KIF1A: variants seen among roughly 807,000 people sequenced by gnomAD.
KIF1A encodes kinesin family member 1A.
In KIF1A, 46 loss-of-function variants were observed where a neutral mutation model predicts 227.3. That is an observed-to-expected ratio of 0.20 (90% CI 0.16 to 0.26). The LOEUF (loss-of-function observed/expected upper bound fraction) is 0.26, where lower values mean the gene tolerates loss of function less well. Among genes scored for constraint, KIF1A ranks in the 10% least tolerant of loss-of-function variants. The pLI, the probability that KIF1A is intolerant of heterozygous loss-of-function variation, is 1.00. For missense variants in KIF1A, 1,683 were observed against 2,485.9 expected, an observed-to-expected ratio of 0.68 and a Z score of 6.87; for synonymous variants, 1,022 against 1,012.8, an observed-to-expected ratio of 1.01 and a Z score of -0.17.
rs1001473013 is a variant in KIF1A at position 240,778,904 on chromosome 2, C to A, written c.883-2978G>T. ...CCCAATGCGGGTGCACACACACTTTCCACACACTTCCTCAGGCCATTCGCC... is the reference window on the plus strand; with the variant it reads ...CCCAATGCGGGTGCACACACACTTTACACACACTTCCTCAGGCCATTCGCC... On this transcript the variant is annotated intron_variant, in intron 10 of 48. Coordinates refer to ENST00000498729, the MANE Select transcript of KIF1A (RefSeq NM_001244008.2). The surrounding 1 kb of genome is among the most constrained non-coding windows in gnomAD (Gnocchi z 7.2). Among the ~76,000 whole-genome samples the A allele has an allele frequency of 4.6e-5, 7 of 152,142 alleles. No individual in the cohort carries two copies. The highest frequency in any genetic ancestry group is 1.7e-4 in the African/African-American group (7 of 41,406).
chr2:240,743,016 C>T (rs200297223), intron 33 of KIF1A, 32 bp from the exon 34 acceptor site: 46 of 1,568,666 alleles, frequency 2.9e-5, no homozygotes, highest in East Asian at 2.3e-4. Flanking sequence ...GAGGTGTTTG[C>T]GGGACCCTGG....
chr2:240,801,656 A>C (rs2056980173), intron 1 of KIF1A, among the ~76,000 whole-genome samples: 1 of 152,274 alleles, frequency 6.6e-6, no homozygotes, highest in East Asian at 1.9e-4. Flanking sequence ...GGGCCTTTAT[A>C]AGGTGATTAG....
intron 9 of KIF1A, 115 bp from the exon 10 acceptor site, chr2:240,782,722 C>A (rs2126047427): frequency 9.0e-7 from 1 of 1,113,162 alleles, no homozygotes; most frequent in Non-Finnish European, 1.3e-6. Flanking sequence ...CAGGCTCTAC[C>A]ACCCCGTGGT....
In KIF1A at chr2:240,788,015, TG is replaced by T; in HGVS notation, c.363+35del. ...CAGCCTCAGCTGGTCCCGCCCCATC[TG>T]CCAGGGCTGCCCCCGCCCGCCCCCC... On this transcript the variant is annotated intron_variant, in intron 4 of 48. Transcript: ENST00000498729. The surrounding 1 kb of genome is among the most constrained non-coding windows in gnomAD (Gnocchi z 6.6). 1 of 1,519,820 alleles carries T rather than the reference TG, an allele frequency of 6.6e-7. No homozygotes were observed. The allele number at this position is 1,519,820 out of a possible 1,614,324, so 94.1% of individuals were successfully genotyped here.
chr2:240,737,089 T>A lies in KIF1A; in HGVS notation c.3981A>T (p.Gly1327=). 1 of 1,613,464 alleles carries A rather than the reference T, an allele frequency of 6.2e-7. No homozygotes were observed. Among genetic ancestry groups the A allele is most frequent in the Non-Finnish European group, 8.5e-7 (1 of 1,179,532 alleles). Residue 1327 remains glycine, a synonymous_variant, in exon 38 of 49, where the codon GGA becomes GGT. Coordinates refer to ENST00000498729, the MANE Select transcript of KIF1A (RefSeq NM_001244008.2). ...NILSLNILSS[G]YIHPAQDDRT... is the part of the protein sequence containing the mutation. ...GGTCATCTTGGGCTGGGTGGATGTA[T>A]CCGGAAGAGAGGATGTTGAGAGACA...
intron 28 of KIF1A, chr2:240,748,699 T>G (rs1196881207): frequency 3.0e-6 from 1 of 330,338 alleles, no homozygotes; most frequent in Non-Finnish European, 6.4e-6. Flanking sequence ...TTCCCTGGTG[T>G]TCACCCTCAC....
chr2:240,719,716 G>GCCTGT, intron 46 of KIF1A, 58 bp downstream of exon 46: 2 of 1,454,458 alleles, frequency 1.4e-6, no homozygotes, highest in South Asian at 2.9e-5. Flanking sequence ...AGGGTGGCCT[G>GCCTGT]CCTGTCCCCT....
intron 20 of KIF1A, among the ~76,000 whole-genome samples, chr2:240,765,390 C>T (rs2051044683): frequency 6.6e-6 from 1 of 152,264 alleles, no homozygotes; most frequent in Non-Finnish European, 1.5e-5. Flanking sequence ...CCCGACAGGG[C>T]AGAGTCCTGG....
intron 7 of KIF1A, 92 bp from the exon 8 acceptor site, chr2:240,783,908 G>A: frequency 1.0e-6 from 1 of 999,430 alleles, no homozygotes; most frequent in Non-Finnish European, 1.5e-6. Flanking sequence ...AGCTGTTGAA[G>A]GAGCCCTGGC....
intron 15 of KIF1A, 53 bp downstream of exon 15, chr2:240,770,918 G>A (rs1219871814): frequency 8.2e-6 from 13 of 1,594,658 alleles, no homozygotes; most frequent in South Asian, 2.2e-5. Context: ...TAACTCCTCC[G>A]AGCTCCCCAC....
intron 1 of KIF1A, among the ~76,000 whole-genome samples, chr2:240,802,447 G>A (rs1240325759): frequency 1.3e-5 from 2 of 152,128 alleles, no homozygotes; most frequent in African/African-American, 2.4e-5. Flanking sequence ...CAGATAAAAG[G>A]TCAACTCAGT....
rs748393017 is a variant in KIF1A at position 240,789,194 on chromosome 2, C to T, written c.183+42G>A. On this transcript the variant is annotated intron_variant, in intron 3 of 48. Coordinates refer to ENST00000498729, the MANE Select transcript of KIF1A (RefSeq NM_001244008.2). The surrounding 1 kb of genome is among the most constrained non-coding windows in gnomAD (Gnocchi z 4.8). ...GACCCCGAGGGCCACATGGCCTATG[C>T]ACTGCTGCCCCCGCCTCCCCCGACC... is the stretch of plus-strand genomic sequence containing the variant. The T allele has an allele frequency of 6.6e-7, 1 of 1,515,980 alleles. No homozygotes were observed. The highest frequency in any genetic ancestry group is 9.2e-7 in the Non-Finnish European group (1 of 1,091,184). 93.9% of individuals were successfully genotyped at this position (1,515,980 alleles called of 1,614,324 possible).
chr2:240,762,061 C>T (rs1202033344), intron 23 of KIF1A, among the ~76,000 whole-genome samples: 2 of 152,216 alleles, frequency 1.3e-5, no homozygotes, highest in African/African-American at 2.4e-5. Context: ...CCTTTGGCTG[C>T]CCCCAATCTG....
At chr2:240,717,978 A>G in intron 48 of KIF1A, 72 bp downstream of exon 48, 1 of 959,510 alleles carries the variant, frequency 1.0e-6, no homozygotes, top group Non-Finnish European at 1.6e-6. Flanking sequence ...GGCCCTATCA[A>G]ATGGTCCTGG....
chr2:240,812,950 A>C (rs2058035166), intron 1 of KIF1A, among the ~76,000 whole-genome samples: 1 of 134,618 alleles, frequency 7.4e-6, no homozygotes. Flanking sequence ...ATCCGCCTTC[A>C]CCTCAAGGAT....
chr2:240,788,160 G>C lies in KIF1A; in HGVS notation c.254C>G (p.Ala85Gly), dbSNP rs1553639041. ...RDIGEEMLQH[A>G]FEGYNVCIFA... Reference sequence around the variant, plus strand: ...GATGCACACGTTGTATCCCTCAAAGGCATGCTGCAGCATCTCCTCGCCGAT... The same window carrying C: ...GATGCACACGTTGTATCCCTCAAAGCCATGCTGCAGCATCTCCTCGCCGAT... The change falls in exon 4 of 49, where the codon GCC becomes GGC. Residue 85 changes from alanine to glycine, a missense_variant. Physicochemically the swap from Ala to Gly is moderately conservative, Grantham distance 60. Transcript: ENST00000498729. This position sits in a 1 kb window ranked among gnomAD's most constrained non-coding sequence, Gnocchi z 6.6. The C allele has an allele frequency of 6.2e-7, 1 of 1,613,642 alleles. No homozygotes were observed.
Position 240,758,225 on chromosome 2 carries a change from C to A in KIF1A, c.2582+135G>T. On this transcript the variant is annotated intron_variant, in intron 26 of 48. Coordinates refer to ENST00000498729, the MANE Select transcript of KIF1A (RefSeq NM_001244008.2). This position sits in a 1 kb window ranked among gnomAD's most constrained non-coding sequence, Gnocchi z 5.2. ...GGGAGGAACCTCAGGCCAGGGAGGA[C>A]AGGGCTGGGAATATGGGGCTGGAAA... 1 of 980,088 alleles carries A rather than the reference C, an allele frequency of 1.0e-6. No homozygotes were observed. The highest frequency in any genetic ancestry group is 1.7e-5 in the African/African-American group (1 of 60,448). 60.7% of individuals were successfully genotyped at this position (980,088 alleles called of 1,614,324 possible). A position where few individuals can be genotyped will look rare whatever the true frequency, so the allele number is the denominator to read the frequency against.
At chr2:240,816,201 C>T (rs113919377) in intron 1 of KIF1A, among the ~76,000 whole-genome samples, 8 of 150,972 alleles carry the variant, frequency 5.3e-5, no homozygotes, top group East Asian at 1.9e-4. Flanking sequence ...TGTATGCATG[C>T]GTGCATAAGC....
Position 240,720,814 on chromosome 2 carries a change from T to C in KIF1A, c.4868+100A>G, listed in dbSNP as rs532314885. On this transcript the variant is annotated intron_variant, in intron 45 of 48. Coordinates refer to ENST00000498729, the MANE Select transcript of KIF1A (RefSeq NM_001244008.2). ...TGGCCACCCCAAGGCACTCGGCCATTGGGGCCCCCTGTTCTGTGCTCTCTG... is the reference window on the plus strand; with the variant it reads ...TGGCCACCCCAAGGCACTCGGCCATCGGGGCCCCCTGTTCTGTGCTCTCTG... 10 of 1,397,372 alleles carry C rather than the reference T, an allele frequency of 7.2e-6. No individual in the cohort carries two copies. The South Asian group carries it at 1.4e-4, about 19-fold the overall frequency. The allele number at this position is 1,397,372 out of a possible 1,614,324, so 86.6% of individuals were successfully genotyped here. A position where few individuals can be genotyped will look rare whatever the true frequency, so the allele number is the denominator to read the frequency against.
Sources: allele counts gnomAD v4.1 joint callset (sites outside exome capture counted in the v4.1 genomes callset), GRCh38; gene constraint gnomAD v4.1.1; non-coding constraint Gnocchi (gnomAD v3.1); transcripts MANE v1.5; gene names NCBI Gene and HGNC (gene_info 2026-07-23, HGNC 2026-07-21).